Variants in LYAR observed in about 807,000 individuals in gnomAD.
LYAR encodes cell growth-regulating nucleolar protein.
A neutral mutation model predicts 45.2 loss-of-function variants in LYAR; 37 were observed. The observed-to-expected ratio is 0.82, with a 90% CI of 0.63 to 1.08. The LOEUF (loss-of-function observed/expected upper bound fraction) is 1.08, where lower values mean the gene tolerates loss of function less well. Among genes scored for constraint, LYAR ranks in the 50% least tolerant of loss-of-function variants. LYAR has a pLI of 0.00. For missense variants in LYAR, 493 were observed against 451.0 expected (o/e 1.09, Z -0.84); for synonymous variants, 176 against 155.1 (o/e 1.14, Z -1.00).
chr4:4,274,886 C>G, intron 6 of LYAR, 117 bp from the exon 7 acceptor site: 1 of 996,938 alleles, frequency 1.0e-6, no homozygotes, highest in East Asian at 2.5e-5. Flanking sequence ...TGGTTTAATC[C>G]CTTATCGTTT....
intron 8 of LYAR, 102 bp downstream of exon 8, chr4:4,273,481 T>C: frequency 1.3e-6 from 1 of 763,230 alleles, no homozygotes; most frequent in Non-Finnish European, 2.2e-6. Flanking sequence ...CTCACACTCC[T>C]GAGCTCAAGT....
intron 3 of LYAR, among the ~76,000 whole-genome samples, chr4:4,282,279 T>G (rs1270078275): frequency 3.3e-5 from 5 of 152,192 alleles, no homozygotes; most frequent in Non-Finnish European, 7.3e-5. Flanking sequence ...AATAATTAGT[T>G]GTAGAATAAA....
Position 4,268,039 on chromosome 4 carries a change from C to T in LYAR, c.1006-16G>A. On this transcript the variant is annotated splice_polypyrimidine_tract_variant and intron_variant, in intron 9 of 9. Coordinates refer to ENST00000343470, the MANE Select transcript of LYAR (RefSeq NM_017816.3). ...GAGCTAAAACCTTCACAAAGAAAAA[C>T]ATCAAATGAGTGTATTTGACCTGGA... is the stretch of plus-strand genomic sequence containing the variant. The T allele has an allele frequency of 6.4e-7, 1 of 1,557,414 alleles. No individual in the cohort carries two copies. The highest frequency in any genetic ancestry group is 1.2e-5 in the South Asian group (1 of 81,860).
intron 6 of LYAR, among the ~76,000 whole-genome samples, chr4:4,277,915 A>G (rs1719251087): frequency 6.6e-6 from 1 of 152,214 alleles, no homozygotes; most frequent in South Asian, 2.1e-4. Flanking sequence ...GTATGCTGGG[A>G]GGGCCGTGGT....
intron 4 of LYAR, among the ~76,000 whole-genome samples, chr4:4,281,180 G>C (rs570461284): frequency 3.2e-4 from 49 of 152,308 alleles, no homozygotes; most frequent in African/African-American, 9.1e-4. Context: ...AGCAGGGAGA[G>C]ATTAGAAGCT....
intron 1 of LYAR, among the ~76,000 whole-genome samples, chr4:4,287,609 C>T (rs1719665460): frequency 6.6e-6 from 1 of 152,166 alleles, no homozygotes; most frequent in Non-Finnish European, 1.5e-5. Flanking sequence ...GGAGAGAAAA[C>T]CTAAGGCTCA....
At position 4,273,738 on chromosome 4, in the gene LYAR, A is replaced by T. The variant is rs1413199772; in HGVS notation, c.833-69T>A. The T allele has an allele frequency of 4.6e-6, 4 of 875,572 alleles. No individual in the cohort carries two copies. The Admixed American group carries it at 5.9e-5, about 13-fold the overall frequency. The allele number at this position is 875,572 out of a possible 1,614,324, so 54.2% of individuals were successfully genotyped here. ...ACGCTAGCAGCTACCATTTAATGAGACCTTATGCGAGCTAGGCAAACTCCA... is the reference window on the plus strand; with the variant it reads ...ACGCTAGCAGCTACCATTTAATGAGTCCTTATGCGAGCTAGGCAAACTCCA... On this transcript the variant is annotated intron_variant, in intron 7 of 9. Coordinates refer to ENST00000343470, the MANE Select transcript of LYAR (RefSeq NM_017816.3).
chr4:4,288,756 G>A (rs1719728417), intron 1 of LYAR, among the ~76,000 whole-genome samples: 1 of 152,160 alleles, frequency 6.6e-6, no homozygotes, highest in Non-Finnish European at 1.5e-5. Flanking sequence ...AAAGTGCTCG[G>A]ATGACAGGCA....
intron 6 of LYAR, among the ~76,000 whole-genome samples, chr4:4,277,700 G>A (rs1032751375): frequency 1.3e-5 from 2 of 152,182 alleles, no homozygotes; most frequent in African/African-American, 4.8e-5. Flanking sequence ...CGCACGTGGT[G>A]CCTATCTCCC....
At chr4:4,289,919 G>A (rs942607412) in intron 1 of LYAR, 117 bp downstream of exon 1, 1 of 152,308 alleles carries the variant, frequency 6.6e-6, no homozygotes, top group East Asian at 1.9e-4. Context: ...AGATCTGAAT[G>A]GAACTCCTTC....
intron 2 of LYAR, among the ~76,000 whole-genome samples, chr4:4,285,953 C>T (rs1167462322): frequency 6.6e-6 from 1 of 152,162 alleles, no homozygotes; most frequent in Non-Finnish European, 1.5e-5. Flanking sequence ...TGGAGATCGG[C>T]TACACACTAC....
At chr4:4,274,235 T>C (rs1719076915) in intron 7 of LYAR, 132 bp downstream of exon 7, 1 of 1,068,176 alleles carries the variant, frequency 9.4e-7, no homozygotes, top group Non-Finnish European at 1.3e-6. Context: ...AGACTCCGTC[T>C]CAAAAAAAAC....
In LYAR at chr4:4,274,371, C is replaced by T. The variant is rs781679515; in HGVS notation, c.828G>A (p.Ser276=). The T allele has an allele frequency of 2.1e-5, 34 of 1,608,618 alleles. No individual in the cohort carries two copies. Among genetic ancestry groups the T allele is most frequent in the South Asian group, 1.7e-4 (15 of 90,316 alleles). The change falls in exon 7 of 10, where the codon TCG becomes TCA. Residue 276 remains serine, a synonymous_variant. Transcript: ENST00000343470. Reference sequence around the variant, plus strand: ...GAGCGTGAGCTAGCCACTTACCTTCCGAGTGCCTCCGCTTCCTCTTCCCTG... The same window carrying T: ...GAGCGTGAGCTAGCCACTTACCTTCTGAGTGCCTCCGCTTCCTCTTCCCTG... ...VGAGKRKRRH[S]EVETDSKKKK...
At chr4:4,284,104 T>C (rs897801491) in intron 2 of LYAR, among the ~76,000 whole-genome samples, 10 of 152,230 alleles carry the variant, frequency 6.6e-5, no homozygotes, top group African/African-American at 2.4e-4. Flanking sequence ...ATGAGGTAAC[T>C]GAGACACAGA....
Position 4,274,651 on chromosome 4 carries a change from T to C in LYAR, c.548A>G (p.Glu183Gly). 1 of 1,614,146 alleles carries C rather than the reference T, an allele frequency of 6.2e-7. No individual in the cohort carries two copies. The highest frequency in any genetic ancestry group is 8.5e-7 in the Non-Finnish European group (1 of 1,180,028). Residue 183 changes from glutamate to glycine, a missense_variant, in exon 7 of 10, where the codon GAG (glutamate) becomes GGG (glycine). By Grantham distance (98) the Glu-to-Gly change is moderately conservative. Transcript: ENST00000343470. Reference sequence around the variant, plus strand: ...TCTTTCTCTTTTATTCTTCTTCACCTCCCCTTGCTGTTCCACGGCGTCTTT... The same window carrying C: ...TCTTTCTCTTTTATTCTTCTTCACCCCCCCTTGCTGTTCCACGGCGTCTTT... ...KVKDAVEQQG[E>G]VKKNKRERKE...
intron 1 of LYAR, chr4:4,289,633 A>G (rs753858679): frequency 5.3e-5 from 8 of 152,342 alleles, no homozygotes; most frequent in Non-Finnish European, 7.3e-5. Context: ...GGTAGTGGCA[A>G]CCCAGATTCA....
intron 1 of LYAR, among the ~76,000 whole-genome samples, chr4:4,288,115 C>T (rs1719685485): frequency 6.6e-6 from 1 of 152,198 alleles, no homozygotes; most frequent in Non-Finnish European, 1.5e-5. Context: ...CTTAACTTCC[C>T]AGAATCTGTT....
intron 1 of LYAR, among the ~76,000 whole-genome samples, chr4:4,289,283 A>G (rs1719757035): frequency 6.6e-6 from 1 of 152,150 alleles, no homozygotes; most frequent in Non-Finnish European, 1.5e-5. Flanking sequence ...TGTTTTAAAC[A>G]CCATCCCTTC....
At chr4:4,288,867 CA>C (rs1719735124) in intron 1 of LYAR, among the ~76,000 whole-genome samples, 1 of 152,232 alleles carries the variant, frequency 6.6e-6, no homozygotes, top group Non-Finnish European at 1.5e-5. Flanking sequence ...TCAAACAGCC[CA>C]CCTGAGGGGC....
Sources: gnomAD v4.1 joint callset for allele counts (sites outside exome capture counted in the v4.1 genomes callset) on GRCh38, gnomAD v4.1.1 for gene constraint, MANE v1.5 for transcripts, NCBI Gene and HGNC (gene_info 2026-07-23, HGNC 2026-07-21) for gene names.